The following CNTNAP4 variants were observed in gnomAD, a reference collection of about 807,000 sequenced individuals.
The protein encoded by CNTNAP4 is contactin-associated protein-like 4.
Under a neutral mutation model 148.4 loss-of-function variants are expected in CNTNAP4, and 98 were observed. The observed-to-expected ratio is 0.66, with a 90% CI of 0.56 to 0.78. The LOEUF (loss-of-function observed/expected upper bound fraction) is 0.78, where lower values mean the gene tolerates loss of function less well. Ranked by LOEUF, CNTNAP4 falls within the 30% of genes least tolerant of loss-of-function variation. The pLI, the probability that CNTNAP4 is intolerant of heterozygous loss-of-function variation, is 0.00. For missense variants in CNTNAP4, 1,935 were observed against 1,565.6 expected, an observed-to-expected ratio of 1.24 and a Z score of -3.98; for synonymous variants, 730 against 565.1, an observed-to-expected ratio of 1.29 and a Z score of -4.14.
At chr16:76,540,650 TCAA>T in intron 20 of CNTNAP4, 50 bp from the exon 21 acceptor site, 1 of 1,322,566 alleles carries the variant, frequency 7.6e-7, no homozygotes, top group Non-Finnish European at 1.1e-6. Flanking sequence ...TCCTGTCTTC[TCAA>T]CAAAACGTCA....
chr16:76,385,547 AGTGT>A (rs3035895), intron 3 of CNTNAP4, among the ~76,000 whole-genome samples: 4,243 of 148,786 alleles, frequency 0.029, 75 homozygotes, highest in African/African-American at 0.065. Context: ...TTTAATTAGA[AGTGT>A]GTGTGTGTGT....
chr16:76,311,344 C>G (rs1426917611), intron 1 of CNTNAP4, among the ~76,000 whole-genome samples: 2 of 151,972 alleles, frequency 1.3e-5, no homozygotes, highest in Non-Finnish European at 2.9e-5. Context: ...TTACCATTTA[C>G]TTTTTAATGA....
intron 3 of CNTNAP4, among the ~76,000 whole-genome samples, chr16:76,375,958 G>T (rs779178843): frequency 1.1e-4 from 16 of 152,182 alleles, no homozygotes; most frequent in Admixed American, 2.6e-4. Flanking sequence ...ACCTTGGGCA[G>T]TTGCTTTTAC....
chr16:76,310,445 T>C (rs1421266705), intron 1 of CNTNAP4, among the ~76,000 whole-genome samples: 10 of 152,216 alleles, frequency 6.6e-5, no homozygotes, highest in Non-Finnish European at 1.3e-4. Context: ...ATAAAATGTT[T>C]TGTTCAGGAA....
chr16:76,297,380 CTATT>C (rs1386110787), intron 1 of CNTNAP4, among the ~76,000 whole-genome samples: 1 of 151,986 alleles, frequency 6.6e-6, no homozygotes, highest in Non-Finnish European at 1.5e-5. Flanking sequence ...TAAAAGATAA[CTATT>C]TATATTTATT....
intron 3 of CNTNAP4, among the ~76,000 whole-genome samples, chr16:76,363,137 A>G: frequency 6.6e-6 from 1 of 151,686 alleles, no homozygotes. Flanking sequence ...TCCACATGCA[A>G]AACAATGAAA....
In CNTNAP4 at chr16:76,535,610, A is replaced by G; in HGVS notation, c.2821A>G (p.Thr941Ala). 1 of 1,613,530 alleles carries G rather than the reference A, an allele frequency of 6.2e-7. No individual in the cohort carries two copies. The highest frequency in any genetic ancestry group is 1.1e-5 in the South Asian group (1 of 91,050). The change falls in exon 18 of 24, where the codon ACC (threonine) becomes GCC (alanine). Residue 941 changes from threonine (T) to alanine (A), a missense_variant. Physicochemically the swap from Thr to Ala is moderately conservative, Grantham distance 58. Transcript: ENST00000611870. ...TCGGTCTCTGCAGTTGAATGGGATGACCCTGGATTTGGAAGAAAGAGCCCA... is the reference window on the plus strand; with the variant it reads ...TCGGTCTCTGCAGTTGAATGGGATGGCCCTGGATTTGGAAGAAAGAGCCCA... ...CIRSLQLNGM[T>A]LDLEERAQVT...
chr16:76,496,742 A>G (rs1447333465), intron 14 of CNTNAP4, among the ~76,000 whole-genome samples: 1 of 152,188 alleles, frequency 6.6e-6, no homozygotes, highest in Non-Finnish European at 1.5e-5. Context: ...TGGAATCTTT[A>G]CAATGTATCC....
chr16:76,559,853 A>G lies in CNTNAP4; in HGVS notation c.*1170A>G, dbSNP rs1216482339. On this transcript the variant is annotated 3_prime_UTR_variant, in exon 24 of 24. Transcript: ENST00000611870. ...GAAATATGAGCTGCAACCATCAGTGATCTACACAATCAATAATTAAACAAT... is the reference window on the plus strand; with the variant it reads ...GAAATATGAGCTGCAACCATCAGTGGTCTACACAATCAATAATTAAACAAT... 1.3e-5 allele frequency among the ~76,000 whole-genome samples: 2 copies of G among 152,168 alleles called. No homozygotes were observed. Among genetic ancestry groups the G allele is most frequent in the South Asian group, 4.1e-4 (2 of 4,836 alleles).
chr16:76,277,811 G>A lies in CNTNAP4; in HGVS notation c.85+64G>A, dbSNP rs1958536805. 4.0e-6 allele frequency: 4 copies of A among 996,012 alleles called. No homozygotes were observed. The South Asian group carries it at 5.5e-5, about 14-fold the overall frequency. 61.7% of individuals were successfully genotyped at this position (996,012 alleles called of 1,614,324 possible). Reference sequence around the variant, plus strand: ...CTCTCTGCAAAACTTTGATTCTGTTGGTTTGATGATGATTATTTGCAGCTG... The same window carrying A: ...CTCTCTGCAAAACTTTGATTCTGTTAGTTTGATGATGATTATTTGCAGCTG... On this transcript the variant is annotated intron_variant, in intron 1 of 23. Transcript: ENST00000611870.
chr16:76,518,196 G>T (rs1004704474), intron 15 of CNTNAP4, among the ~76,000 whole-genome samples: 11 of 151,892 alleles, frequency 7.2e-5, no homozygotes, highest in Admixed American at 3.3e-4. Flanking sequence ...TGCATAATCT[G>T]GGCTGACTGC....
intron 12 of CNTNAP4, among the ~76,000 whole-genome samples, chr16:76,480,733 T>A (rs1199409630): frequency 2.0e-5 from 3 of 151,998 alleles, no homozygotes. Context: ...TGAGACTCTG[T>A]CTCAAAAAAA....
intron 3 of CNTNAP4, among the ~76,000 whole-genome samples, chr16:76,388,213 AT>A: frequency 6.6e-6 from 1 of 152,344 alleles, no homozygotes; most frequent in Admixed American, 6.5e-5. Flanking sequence ...CAAAGAGTTC[AT>A]TACAGCACTG....
At chr16:76,360,747 A>C (rs1023842524) in intron 3 of CNTNAP4, among the ~76,000 whole-genome samples, 2 of 151,732 alleles carry the variant, frequency 1.3e-5, no homozygotes, top group East Asian at 1.9e-4. Flanking sequence ...TTATATTTCT[A>C]TTTAGCTCCA....
At chr16:76,490,192 C>T (rs1311191172) in intron 13 of CNTNAP4, among the ~76,000 whole-genome samples, 1 of 152,192 alleles carries the variant, frequency 6.6e-6, no homozygotes, top group Non-Finnish European at 1.5e-5. Context: ...CAGTGTTTAT[C>T]CCTGATAAAG....
chr16:76,338,846 T>G (rs571046237), intron 2 of CNTNAP4, among the ~76,000 whole-genome samples: 2 of 152,176 alleles, frequency 1.3e-5, no homozygotes, highest in African/African-American at 4.8e-5. Flanking sequence ...GTAAGATTAT[T>G]GTGAAAATCA....
chr16:76,378,420 A>G (rs8047462), intron 3 of CNTNAP4, among the ~76,000 whole-genome samples: 147,352 of 152,310 alleles, frequency 0.97, 71,311 homozygotes, highest in East Asian at 1. Flanking sequence ...CGGAAGTCAG[A>G]TGGAGTTGAA....
chr16:76,555,242 A>C (rs563130999), intron 23 of CNTNAP4, among the ~76,000 whole-genome samples: 1 of 152,132 alleles, frequency 6.6e-6, no homozygotes, highest in East Asian at 1.9e-4. Context: ...CTTTGTGTGG[A>C]TATTAACTCC....
intron 2 of CNTNAP4, among the ~76,000 whole-genome samples, chr16:76,321,774 C>T (rs1473159481): frequency 7.2e-5 from 9 of 124,466 alleles, no homozygotes; most frequent in Admixed American, 3.6e-4. Context: ...GGTGACAGAG[C>T]GTGACTCAGT....
Sources: allele counts gnomAD v4.1 joint callset (sites outside exome capture counted in the v4.1 genomes callset), GRCh38; gene constraint gnomAD v4.1.1; transcripts MANE v1.5; gene names NCBI Gene and HGNC (gene_info 2026-07-23, HGNC 2026-07-21).